Variants in PRPF40B observed in about 807,000 individuals in gnomAD.
PRPF40B encodes pre-mRNA processing factor 40B, also known as pre-mRNA-processing factor 40 homolog B.
PRPF40B carries 56 observed loss-of-function variants against 124.5 expected under a neutral mutation model. That is an observed-to-expected ratio of 0.45 (90% CI 0.36 to 0.56). PRPF40B has a LOEUF of 0.56. Among genes scored for constraint, PRPF40B ranks in the 20% least tolerant of loss-of-function variants. The pLI, the probability that PRPF40B is intolerant of heterozygous loss-of-function variation, is 0.00. For synonymous variants in PRPF40B, 443 were observed against 426.4 expected (o/e 1.04, Z -0.48); for missense variants, 1,053 against 1,169.5 (o/e 0.90, Z 1.45).
intron 5 of PRPF40B, 29 bp from the exon 6 acceptor site, chr12:49,632,825 CT>C (rs759020413): frequency 1.2e-6 from 2 of 1,613,880 alleles, no homozygotes; most frequent in African/African-American, 2.7e-5. Flanking sequence ...GGAGCAAGGA[CT>C]TAGTATGTAT....
At chr12:49,632,691 G>A in intron 5 of PRPF40B, 68 bp downstream of exon 5, 3 of 1,601,228 alleles carry the variant, frequency 1.9e-6, no homozygotes, top group Non-Finnish European at 2.6e-6. Context: ...AGGGGACCGT[G>A]GACTGGAGCC....
upstream of PRPF40B, chr12:49,623,266 G>C (rs1477793736): frequency 3.1e-5 from 5 of 162,920 alleles, no homozygotes; most frequent in African/African-American, 9.6e-5. Context: ...TGCGAAGCCA[G>C]GACGCAGGCA....
rs1158692296 is a variant in PRPF40B at position 49,636,723 on chromosome 12, C to A, written c.1434C>A (p.Asp478Glu). 6.8e-6 allele frequency: 11 copies of A among 1,614,166 alleles called. No individual in the cohort carries two copies. The highest frequency in any genetic ancestry group is 9.3e-6 in the Non-Finnish European group (11 of 1,180,020). The change falls in exon 16 of 26, where the codon GAC becomes GAA. Residue 478 changes from aspartate (D) to glutamate (E), a missense_variant. Physicochemically the swap from Asp to Glu is conservative, Grantham distance 45 (BLOSUM62 2). Transcript: ENST00000548825. Reference protein sequence around the residue: ...FAQDHQLQNMDKEDALICFEE... With the variant: ...FAQDHQLQNMEKEDALICFEE... ...CCTCCTGCCTGTCTTTAGACATGGA[C>A]AAGGAAGATGCACTGATCTGTTTTG...
At chr12:49,623,331 C>T (rs147118019), upstream of PRPF40B, 812 of 180,226 alleles carry the variant, frequency 4.5e-3, 7 homozygotes, top group African/African-American at 0.017. Context: ...CGGGAGCAGG[C>T]GTGCCCCGCC....
rs780594636 is a variant in PRPF40B, at chr12:49,633,511, C to T, written c.544C>T (p.Arg182Cys). Residue 182 changes from arginine to cysteine, a missense_variant, in exon 8 of 26, where the codon CGC becomes TGC. By Grantham distance (180) the Arg-to-Cys change is radical (BLOSUM62 -3). This residue lies in a region of PRPF40B where 895 missense variants were observed against 1,052.2 expected (regional missense o/e 0.85). Coordinates refer to ENST00000548825, the MANE Select transcript of PRPF40B (RefSeq NM_001031698.3). ...CTATAACAACCAGAGTAAAGAGTCC[C>T]GCTGGACCCGGCCCAAGGATCTGGA... ...YYYNNQSKES[R>C]WTRPKDLDDL... is the part of the protein sequence containing the mutation. The T allele has an allele frequency of 1.7e-5, 28 of 1,614,090 alleles. No individual in the cohort carries two copies. In the Admixed American group the frequency reaches 3.3e-4, roughly 19 times the overall value.
intron 1 of PRPF40B, among the ~76,000 whole-genome samples, chr12:49,627,954 G>T (rs1300391960): frequency 6.6e-6 from 1 of 152,156 alleles, no homozygotes; most frequent in Non-Finnish European, 1.5e-5. Flanking sequence ...TTTCCATTTG[G>T]ACAATTGAAT....
Position 49,637,718 on chromosome 12 carries a change from C to A in PRPF40B, c.1676-15C>A. ...AGCTGCCGCCCGCCAGGCCCCCCTC[C>A]CTCCCTCCTTACAGGCTCCACCCCT... On this transcript the variant is annotated splice_polypyrimidine_tract_variant and intron_variant, in intron 17 of 25. Coordinates refer to ENST00000548825, the MANE Select transcript of PRPF40B (RefSeq NM_001031698.3). 1 of 1,558,364 alleles carries A rather than the reference C, an allele frequency of 6.4e-7. No homozygotes were observed. Among genetic ancestry groups the A allele is most frequent in the Non-Finnish European group, 8.8e-7 (1 of 1,133,356 alleles).
At position 49,637,598 on chromosome 12, in the gene PRPF40B, G is replaced by C; in HGVS notation, c.1675+14G>C. On this transcript the variant is annotated intron_variant, in intron 17 of 25. Coordinates refer to ENST00000548825, the MANE Select transcript of PRPF40B (RefSeq NM_001031698.3). ...TGGGCCAGCCGGGTAAGGCAGCCAG[G>C]CTCCCCCTTCTCTGGCCTGGCTTCC... 3.7e-6 allele frequency: 6 copies of C among 1,610,396 alleles called. No individual in the cohort carries two copies. The highest frequency in any genetic ancestry group is 5.1e-6 in the Non-Finnish European group (6 of 1,177,714).
chr12:49,638,991 T>C (rs2138582337), intron 18 of PRPF40B: 1 of 152,358 alleles, frequency 6.6e-6, no homozygotes, highest in Admixed American at 6.5e-5. Context: ...TTTAATATTT[T>C]AAATTACTTA....
chr12:49,623,733 G>C, intron 1 of PRPF40B, 140 bp downstream of exon 1: 1 of 859,736 alleles, frequency 1.2e-6, no homozygotes, highest in Non-Finnish European at 1.4e-6. Flanking sequence ...AAGGGTGAGG[G>C]AAGAGAGCCC....
chr12:49,634,892 G>C (rs1405323555), intron 12 of PRPF40B: 1 of 648,910 alleles, frequency 1.5e-6, no homozygotes, highest in African/African-American at 1.8e-5. Flanking sequence ...AAAGGAAAAG[G>C]GCCCAGTATT....
At chr12:49,633,744 G>A in intron 9 of PRPF40B, 83 bp downstream of exon 9, 4 of 1,608,408 alleles carry the variant, frequency 2.5e-6, no homozygotes, top group Non-Finnish European at 2.5e-6. Context: ...TCTCTACACT[G>A]TGGGAGGAAG....
In PRPF40B at chr12:49,631,427, C is replaced by T; in HGVS notation, c.111C>T (p.Pro37=). 5 of 1,451,522 alleles carry T rather than the reference C, an allele frequency of 3.4e-6. No individual in the cohort carries two copies. The highest frequency in any genetic ancestry group is 4.6e-6 in the Non-Finnish European group (5 of 1,094,300). The allele number at this position is 1,451,522 out of a possible 1,614,324, so 89.9% of individuals were successfully genotyped here. ...PFMPPPGIPP[P]FPPMGLPPMS... The stretch of plus-strand genomic sequence containing the variant: ...TGCCCCCTCCAGGGATCCCCCCACC[C>T]TTTCCTCCGATGGGGCTACCCCCCA... Residue 37 remains proline, a synonymous_variant, in exon 3 of 26, where the codon CCC becomes CCT. Transcript: ENST00000548825. This position sits in a 1 kb window ranked among gnomAD's most constrained non-coding sequence, Gnocchi z 4.3.
Position 49,623,601 on chromosome 12 carries a change from C to G in PRPF40B, c.3+8C>G. ...CTCGGAGGCTCTGGCATGGTAACAT[C>G]CCCGCGCGGGGGTGGAGGGGCTCGG... On this transcript the variant is annotated splice_region_variant and intron_variant, in intron 1 of 25. Coordinates refer to ENST00000548825, the MANE Select transcript of PRPF40B (RefSeq NM_001031698.3). 1 of 1,233,734 alleles carries G rather than the reference C, an allele frequency of 8.1e-7. No individual in the cohort carries two copies. The highest frequency in any genetic ancestry group is 4.2e-5 in the Admixed American group (1 of 23,656). The allele number at this position is 1,233,734 out of a possible 1,614,324, so 76.4% of individuals were successfully genotyped here.
Position 49,642,397 on chromosome 12 carries a change from G to A in PRPF40B, c.2022+25G>A. Reference sequence around the variant, plus strand: ...GGTCAGGAGCGTAGCCTGGCCCCAAGCACCCCTCAAGCCTGAGGGCAGCGG... The same window carrying A: ...GGTCAGGAGCGTAGCCTGGCCCCAAACACCCCTCAAGCCTGAGGGCAGCGG... On this transcript the variant is annotated intron_variant, in intron 20 of 25. Coordinates refer to ENST00000548825, the MANE Select transcript of PRPF40B (RefSeq NM_001031698.3). The surrounding 1 kb of genome is among the most constrained non-coding windows in gnomAD (Gnocchi z 5.8). 6.2e-7 allele frequency: 1 copy of A among 1,612,040 alleles called. No individual in the cohort carries two copies. The highest frequency in any genetic ancestry group is 8.5e-7 in the Non-Finnish European group (1 of 1,179,104).
chr12:49,636,935 C>T (rs895137519), intron 16 of PRPF40B, 86 bp downstream of exon 16: 62 of 1,585,250 alleles, frequency 3.9e-5, no homozygotes, highest in Admixed American at 8.5e-5. Context: ...CTTCTGGATA[C>T]GCTGCCTGTT....
chr12:49,632,996 G>GGGGGGGGGGGGCCC lies in PRPF40B; in HGVS notation c.349-18_349-17insGGGGGGGGGGGCCC. The stretch of plus-strand genomic sequence containing the variant: ...AAAGGGGCCTTGACCACCATTCTGT[G>GGGGGGGGGGGGCCC]CCCCCCCCCCCACCCAGAGGGCCCT... On this transcript the variant is annotated splice_polypyrimidine_tract_variant and intron_variant, in intron 6 of 25. Transcript: ENST00000548825. 8.7e-7 allele frequency: 1 copy of GGGGGGGGGGGGCCC among 1,147,398 alleles called. No homozygotes were observed. Among genetic ancestry groups the GGGGGGGGGGGGCCC allele is most frequent in the Admixed American group, 2.3e-5 (1 of 43,878 alleles). The allele number at this position is 1,147,398 out of a possible 1,614,324, so 71.1% of individuals were successfully genotyped here.
intron 5 of PRPF40B, 25 bp from the exon 6 acceptor site, chr12:49,632,829 GT>G (rs1941357337): frequency 6.2e-7 from 1 of 1,613,918 alleles, no homozygotes; most frequent in African/African-American, 1.3e-5. Flanking sequence ...CAAGGACTTA[GT>G]ATGTATCCTT....
chr12:49,638,225 A>G, intron 18 of PRPF40B: 1 of 184,010 alleles, frequency 5.4e-6, no homozygotes, highest in South Asian at 1.2e-4. Context: ...GTAAACTGGT[A>G]GCACACAGAT....
Sources: allele counts gnomAD v4.1 joint callset (sites outside exome capture counted in the v4.1 genomes callset), GRCh38; gene constraint gnomAD v4.1.1; regional missense constraint gnomAD v4.1.1; non-coding constraint Gnocchi (gnomAD v3.1); transcripts MANE v1.5; gene names NCBI Gene and HGNC (gene_info 2026-07-23, HGNC 2026-07-21).